EPN3: variants seen among roughly 807,000 people sequenced by gnomAD.
EPN3 encodes epsin-3.
In EPN3, 56 loss-of-function variants were observed where a neutral mutation model predicts 55.5. The observed-to-expected ratio is 1.01, with a 90% CI of 0.81 to 1.26. The LOEUF (loss-of-function observed/expected upper bound fraction) is 1.26, where lower values mean the gene tolerates loss of function less well. Among genes scored for constraint, EPN3 ranks in the 50% most tolerant of loss-of-function variants. EPN3 has a pLI of 0.00. For synonymous variants in EPN3, 449 were observed against 375.2 expected (o/e 1.20, Z -2.27); for missense variants, 927 against 853.4 (o/e 1.09, Z -1.07).
chr17:50,540,198 C>A, intron 5 of EPN3, 49 bp from the exon 6 acceptor site: 1 of 1,509,098 alleles, frequency 6.6e-7, no homozygotes, highest in South Asian at 1.1e-5. Flanking sequence ...CCTGCCCTCC[C>A]TCCAGGCCCC....
chr17:50,541,723 G>C (rs2034851273), intron 9 of EPN3, 29 bp downstream of exon 9: 2 of 1,610,192 alleles, frequency 1.2e-6, no homozygotes, highest in Non-Finnish European at 1.7e-6. Flanking sequence ...CCTCAACCCA[G>C]GGGCTCCTGC....
chr17:50,534,984 C>T (rs1478907390), intron 1 of EPN3, among the ~76,000 whole-genome samples: 1 of 152,162 alleles, frequency 6.6e-6, no homozygotes, highest in African/African-American at 2.4e-5. Context: ...TGCATGCACA[C>T]ACCAGTGCTA....
chr17:50,534,540 A>G, intron 1 of EPN3: 3 of 985,492 alleles, frequency 3.0e-6, no homozygotes, highest in Non-Finnish European at 3.6e-6. Flanking sequence ...GGGGAGGTGA[A>G]GGCAGGTCTG....
intron 7 of EPN3, 71 bp downstream of exon 7, chr17:50,541,133 A>C (rs1209961501): frequency 5.0e-6 from 8 of 1,590,434 alleles, no homozygotes; most frequent in Non-Finnish European, 6.8e-6. Context: ...GGCAGCAGAT[A>C]CTGTTTGTGT....
intron 1 of EPN3, among the ~76,000 whole-genome samples, chr17:50,533,799 T>C (rs558123990): frequency 2.9e-5 from 3 of 102,430 alleles, no homozygotes; most frequent in East Asian, 1.7e-3. Context: ...GCTTCCTCCC[T>C]CCTCTGCCCT....
intron 5 of EPN3, among the ~76,000 whole-genome samples, chr17:50,539,779 C>T (rs1294316020): frequency 6.6e-6 from 1 of 152,254 alleles, no homozygotes; most frequent in Non-Finnish European, 1.5e-5. Context: ...CAAGGCTGCC[C>T]TCCAAAGCTG....
In EPN3 at chr17:50,532,849, G is replaced by T; in HGVS notation, c.-273G>T. The T allele has an allele frequency of 7.8e-7, 1 of 1,276,650 alleles. No homozygotes were observed. 79.1% of individuals were successfully genotyped at this position (1,276,650 alleles called of 1,614,324 possible). On this transcript the variant is annotated 5_prime_UTR_variant, in exon 1 of 10. Transcript: ENST00000268933. The stretch of plus-strand genomic sequence containing the variant: ...GTCTGCACCTCCTGGGAGCAGGTGG[G>T]TCTCTGGGACGAGGGTCCATGGTGG...
rs1202896526 is a variant in EPN3 at position 50,542,777 on chromosome 17, T to G, written c.*620T>G. On this transcript the variant is annotated 3_prime_UTR_variant, in exon 10 of 10. Transcript: ENST00000268933. ...ATAATCTGTGGGGCTCAATACAAAA[T>G]AAAAATGTAGGGGCTCCTTGTTCAA... The G allele has an allele frequency of 6.6e-6, 1 of 152,150 alleles. No homozygotes were observed. Among genetic ancestry groups the G allele is most frequent in the Non-Finnish European group, 1.5e-5 (1 of 68,050 alleles). 9.4% of individuals were successfully genotyped at this position (152,150 alleles called of 1,614,324 possible). A position where few individuals can be genotyped will look rare whatever the true frequency, so the allele number is the denominator to read the frequency against.
chr17:50,539,198 C>T lies in EPN3; in HGVS notation c.774C>T (p.Ser258=). The change falls in exon 5 of 10, where the codon TCC becomes TCT. Residue 258 remains serine (S), a synonymous_variant. Coordinates refer to ENST00000268933, the MANE Select transcript of EPN3 (RefSeq NM_017957.3). ...TGTGCCTTCTGCAGGAGGTGAGGTC[C>T]TGGCAGGGTGATGGCTCCCCCATGG... ...SRQEHEKEVR[S]WQGDGSPMAN... 2 of 1,614,020 alleles carry T rather than the reference C, an allele frequency of 1.2e-6. No individual in the cohort carries two copies. The highest frequency in any genetic ancestry group is 1.7e-6 in the Non-Finnish European group (2 of 1,179,990).
rs772933377 is a variant in EPN3, at chr17:50,536,940, G to A, written c.384G>A (p.Lys128=). ...GCGTCAACGTGCGCGAGAAGGTCAA[G>A]CAGGTGATGGCCCTGCTCAAGGATG... ...DQGVNVREKV[K]QVMALLKDEE... The change falls in exon 2 of 10, where the codon AAG becomes AAA. Residue 128 remains lysine (K), a synonymous_variant. Coordinates refer to ENST00000268933, the MANE Select transcript of EPN3 (RefSeq NM_017957.3). The A allele has an allele frequency of 3.1e-6, 5 of 1,614,122 alleles. No homozygotes were observed. The South Asian group carries it at 3.3e-5, about 11-fold the overall frequency.
In EPN3 at chr17:50,541,007, C is replaced by A. The variant is rs539721350; in HGVS notation, c.1194C>A (p.Leu398=). The change falls in exon 7 of 10, where the codon CTC becomes CTA. Residue 398 remains leucine, a synonymous_variant. Transcript: ENST00000268933. ...CCCTGAACTCTCCCCACCACAAACTCCCCAGCACTGGGGCTGACCCTTGGG... is the reference window on the plus strand; with the variant it reads ...CCCTGAACTCTCCCCACCACAAACTACCCAGCACTGGGGCTGACCCTTGGG... ...PWALNSPHHK[L]PSTGADPWGA... The A allele has an allele frequency of 3.7e-6, 6 of 1,603,974 alleles. No individual in the cohort carries two copies. In the South Asian group the frequency reaches 6.6e-5, roughly 18 times the overall value.
chr17:50,540,851 G>T lies in EPN3; in HGVS notation c.1038G>T (p.Trp346Cys). ...CCTGGGGGCCTTCTGCAGACCCCTG[G>T]TCTCCGATCCCCTCAGGAACCGTCC... The part of the protein sequence containing the change: ...GSSWGPSADP[W>C]SPIPSGTVLS... Residue 346 changes from tryptophan (W) to cysteine (C), a missense_variant, in exon 7 of 10, where the codon TGG (tryptophan) becomes TGT (cysteine). By Grantham distance (215) the Trp-to-Cys change is radical. Coordinates refer to ENST00000268933, the MANE Select transcript of EPN3 (RefSeq NM_017957.3). 1 of 1,614,106 alleles carries T rather than the reference G, an allele frequency of 6.2e-7. No individual in the cohort carries two copies.
At chr17:50,540,497 G>A (rs772644638) in intron 6 of EPN3, among the ~76,000 whole-genome samples, 163 bp downstream of exon 6, 4 of 151,986 alleles carry the variant, frequency 2.6e-5, no homozygotes, top group African/African-American at 7.3e-5. Context: ...TTCGTAGTGA[G>A]GGCTATGGAG....
rs1468120552 is a variant in EPN3, at chr17:50,532,870, G to A, written c.-252G>A. On this transcript the variant is annotated 5_prime_UTR_variant, in exon 1 of 10. An upstream start codon of the reference 5' UTR is lost. Transcript: ENST00000268933. ...GTGGGTCTCTGGGACGAGGGTCCAT[G>A]GTGGATGGCTCTGGAGACGCTCCCG... 27 of 1,285,950 alleles carry A rather than the reference G, an allele frequency of 2.1e-5. No individual in the cohort carries two copies. The Admixed American group carries it at 6.0e-4, about 29-fold the overall frequency. The allele number at this position is 1,285,950 out of a possible 1,614,324, so 79.7% of individuals were successfully genotyped here.
intron 1 of EPN3, chr17:50,536,198 A>T (rs1310139208): frequency 3.7e-6 from 1 of 272,752 alleles, no homozygotes; most frequent in Non-Finnish European, 7.1e-6. Flanking sequence ...CTGTGGATGG[A>T]GGTAATGATA....
Position 50,538,945 on chromosome 17 carries a change from G to A in EPN3, c.743G>A (p.Ser248Asn), listed in dbSNP as rs147014457. 1.7e-5 allele frequency: 27 copies of A among 1,607,058 alleles called. No homozygotes were observed. In the Middle Eastern group the frequency reaches 7.2e-4, roughly 43 times the overall value. ...CAGCTGCAGCTGGCTCTGCGCCTGA[G>A]CCGGCAGGAGCACGAGAAGGTAGTG... ...DLQLQLALRLSRQEHEKEVRS... is the reference protein window; with the variant it reads ...DLQLQLALRLNRQEHEKEVRS... The change falls in exon 4 of 10, where the codon AGC (serine) becomes AAC (asparagine). Residue 248 changes from serine (S) to asparagine (N), a missense_variant. Coordinates refer to ENST00000268933, the MANE Select transcript of EPN3 (RefSeq NM_017957.3).
intron 3 of EPN3, 145 bp downstream of exon 3, chr17:50,538,342 C>A: frequency 1.6e-6 from 1 of 628,254 alleles, no homozygotes; most frequent in South Asian, 2.0e-5. Context: ...TTATCTCTGT[C>A]GGTTTGTCGC....
intron 7 of EPN3, 65 bp downstream of exon 7, chr17:50,541,127 G>A: frequency 1.3e-6 from 2 of 1,586,736 alleles, no homozygotes; most frequent in Non-Finnish European, 1.7e-6. Flanking sequence ...CCAAGGGGCA[G>A]CAGATACTGT....
chr17:50,539,536 G>T (rs138246425), intron 5 of EPN3, among the ~76,000 whole-genome samples: 1 of 152,170 alleles, frequency 6.6e-6, no homozygotes, highest in Non-Finnish European at 1.5e-5. Context: ...GGAGACCCCC[G>T]GATTCGGGTT....
Sources: gnomAD v4.1 joint callset for allele counts (sites outside exome capture counted in the v4.1 genomes callset) on GRCh38, gnomAD v4.1.1 for gene constraint, MANE v1.5 for transcripts, NCBI Gene and HGNC (gene_info 2026-07-23, HGNC 2026-07-21) for gene names.